The following C1orf159 variants were observed in gnomAD, a reference collection of about 807,000 sequenced individuals.
C1orf159 encodes the protein uncharacterized protein C1orf159.
A neutral mutation model predicts 25.6 loss-of-function variants in C1orf159; 19 were observed. The observed-to-expected ratio is 0.74, with a 90% CI of 0.52 to 1.09. C1orf159 has a LOEUF of 1.09. Ranked by LOEUF, C1orf159 falls within the 50% of genes least tolerant of loss-of-function variation. The pLI is 0.00. For missense variants in C1orf159, 274 were observed against 290.6 expected (o/e 0.94, Z 0.42); for synonymous variants, 139 against 124.7 (o/e 1.12, Z -0.77).
intron 4 of C1orf159, 62 bp downstream of exon 4, chr1:1,090,291 G>A (rs1645907230): frequency 6.8e-7 from 1 of 1,473,936 alleles, no homozygotes; most frequent in Non-Finnish European, 9.3e-7. Context: ...GAGGGCCCTG[G>A]GCACACACAC....
chr1:1,109,081 G>A (rs1003326852), intron 1 of C1orf159, among the ~76,000 whole-genome samples: 1 of 150,790 alleles, frequency 6.6e-6, no homozygotes, highest in Non-Finnish European at 1.5e-5. Flanking sequence ...GTTCACCACA[G>A]CCACCATGTC....
At chr1:1,112,096 G>A (rs560644662) in intron 1 of C1orf159, among the ~76,000 whole-genome samples, 119 of 152,288 alleles carry the variant, frequency 7.8e-4, no homozygotes, top group African/African-American at 2.6e-3. Context: ...TCCCCCCACC[G>A]GGAATGTCAG....
At chr1:1,086,744 G>A (rs568770674) in intron 6 of C1orf159, among the ~76,000 whole-genome samples, 25 of 152,180 alleles carry the variant, frequency 1.6e-4, no homozygotes, top group African/African-American at 3.1e-4. Context: ...CAGTGTGGCC[G>A]TGAGCGTGAA....
At chr1:1,091,072 C>A in intron 3 of C1orf159, 1 of 1,081,816 alleles carries the variant, frequency 9.2e-7, no homozygotes, top group South Asian at 1.5e-5. Context: ...CAGGTCCGGT[C>A]CCTCAAACGC....
At chr1:1,091,021 T>C (rs1156565086) in intron 3 of C1orf159, 3 of 1,479,832 alleles carry the variant, frequency 2.0e-6, no homozygotes, top group Non-Finnish European at 2.8e-6. Flanking sequence ...CAGGGGTGAC[T>C]GCGGAGTGCG....
intron 3 of C1orf159, chr1:1,090,896 C>G: frequency 3.9e-6 from 6 of 1,550,336 alleles, no homozygotes; most frequent in Non-Finnish European, 5.2e-6. Context: ...AGGGCCCATT[C>G]CCTGACCACA....
Position 1,087,475 on chromosome 1 carries a change from G to C in C1orf159, c.244+27C>G, listed in dbSNP as rs763762230. The C allele has an allele frequency of 1.9e-5, 29 of 1,530,378 alleles. No individual in the cohort carries two copies. The East Asian group carries it at 4.2e-4, about 22-fold the overall frequency. 94.8% of individuals were successfully genotyped at this position (1,530,378 alleles called of 1,614,324 possible). ...TCCCACAGCTGGAGCTGTGAGAAGG[G>C]AGCCGGGGGGAGCCGGGCAGACCTA... On this transcript the variant is annotated intron_variant, in intron 5 of 9. Transcript: ENST00000421241. This position sits in a 1 kb window ranked among gnomAD's most constrained non-coding sequence, Gnocchi z 8.3.
Position 1,087,459 on chromosome 1 carries a change from T to G in C1orf159, c.244+43A>C. 6.7e-7 allele frequency: 1 copy of G among 1,501,388 alleles called. No individual in the cohort carries two copies. The highest frequency in any genetic ancestry group is 9.0e-7 in the Non-Finnish European group (1 of 1,106,232). The allele number at this position is 1,501,388 out of a possible 1,614,324, so 93.0% of individuals were successfully genotyped here. A position where few individuals can be genotyped will look rare whatever the true frequency, so the allele number is the denominator to read the frequency against. On this transcript the variant is annotated intron_variant, in intron 5 of 9. Coordinates refer to ENST00000421241, the MANE Select transcript of C1orf159 (RefSeq NM_017891.5). This position sits in a 1 kb window ranked among gnomAD's most constrained non-coding sequence, Gnocchi z 8.3. ...CAACTCCCACAGTGTCTCCCACAGC[T>G]GGAGCTGTGAGAAGGGAGCCGGGGG...
intron 3 of C1orf159, chr1:1,090,934 A>G: frequency 6.4e-7 from 1 of 1,550,416 alleles, no homozygotes; most frequent in East Asian, 2.4e-5. Flanking sequence ...TGGGGGGCTC[A>G]GGGTACCCTC....
At chr1:1,090,976 C>G (rs1645921482) in intron 3 of C1orf159, 3 of 1,549,992 alleles carry the variant, frequency 1.9e-6, no homozygotes, top group Non-Finnish European at 2.6e-6. Context: ...TGTGCTGTTT[C>G]TCGTGACCTG....
rs188940240 is a variant in C1orf159, at chr1:1,101,946, C to A, written c.-135-9843G>T. On this transcript the variant is annotated intron_variant, in intron 1 of 9. Coordinates refer to ENST00000421241, the MANE Select transcript of C1orf159 (RefSeq NM_017891.5). ...AATTAATCGGGCATGGTGGCACGGG[C>A]ATATAGTCCCAGCTACATGGGAGGC... Among the ~76,000 whole-genome samples, 1,045 of 151,682 alleles carry A rather than the reference C, an allele frequency of 6.9e-3. 10 individuals are homozygous for A. Among genetic ancestry groups the A allele is most frequent in the Non-Finnish European group, 8.4e-3 (573 of 67,896 alleles).
rs1460964389 is a variant in C1orf159 at position 1,089,664 on chromosome 1, C to T, written c.148+689G>A. ...GTTCTTCCATCATGGGAGGGCTGGA[C>T]CCCCAGGATGGGAGTGCCAAGGCCC... On this transcript the variant is annotated intron_variant, in intron 4 of 9. Coordinates refer to ENST00000421241, the MANE Select transcript of C1orf159 (RefSeq NM_017891.5). This position sits in a 1 kb window ranked among gnomAD's most constrained non-coding sequence, Gnocchi z 7.5. Among the ~76,000 whole-genome samples the T allele has an allele frequency of 1.3e-5, 2 of 152,132 alleles. No individual in the cohort carries two copies. Among genetic ancestry groups the T allele is most frequent in the Non-Finnish European group, 2.9e-5 (2 of 68,002 alleles).
chr1:1,091,175 G>A, intron 3 of C1orf159: 2 of 616,998 alleles, frequency 3.2e-6, no homozygotes, highest in South Asian at 2.0e-5. Context: ...GCGATGCGCG[G>A]CACGCTGTGC....
chr1:1,084,324 C>G, intron 9 of C1orf159, 29 bp downstream of exon 9: 1 of 1,534,056 alleles, frequency 6.5e-7, no homozygotes, highest in Non-Finnish European at 8.8e-7. Context: ...ATGGGAAACC[C>G]CACAGGGGGA....
chr1:1,107,717 C>A (rs568483623), intron 1 of C1orf159, among the ~76,000 whole-genome samples: 3 of 152,180 alleles, frequency 2.0e-5, no homozygotes, highest in Non-Finnish European at 4.4e-5. Flanking sequence ...AGCAGGCTGC[C>A]GGAGCCAGCA....
chr1:1,100,310 G>GTA lies in C1orf159; in HGVS notation c.-135-8209_-135-8208dup, dbSNP rs1304487810. Reference sequence around the variant, plus strand: ...TAATTACTGTTATGGGTAGATGTAGGTATGTTAATCGTTTTCTGATTGTCC... The same window carrying GTA: ...TAATTACTGTTATGGGTAGATGTAGGTATATGTTAATCGTTTTCTGATTGTCC... On this transcript the variant is annotated intron_variant, in intron 1 of 9. Coordinates refer to ENST00000421241, the MANE Select transcript of C1orf159 (RefSeq NM_017891.5). Among the ~76,000 whole-genome samples the GTA allele has an allele frequency of 2.0e-5, 3 of 152,274 alleles. No individual in the cohort carries two copies. In the East Asian group the frequency reaches 5.8e-4, roughly 29 times the overall value.
chr1:1,083,038 G>GACAGTGC lies in C1orf159; in HGVS notation c.503-58_503-52dup, dbSNP rs1645770623. 2.1e-6 allele frequency: 3 copies of GACAGTGC among 1,457,184 alleles called. No individual in the cohort carries two copies. The Admixed American group carries it at 5.8e-5, about 28-fold the overall frequency. The allele number at this position is 1,457,184 out of a possible 1,614,324, so 90.3% of individuals were successfully genotyped here. On this transcript the variant is annotated intron_variant, in intron 9 of 9. Coordinates refer to ENST00000421241, the MANE Select transcript of C1orf159 (RefSeq NM_017891.5). ...GTCAGAGTGGGACCTGGACAGCAGG[G>GACAGTGC]ACAGTGCAGGCCTCAGCCCTCACCG...
intron 1 of C1orf159, among the ~76,000 whole-genome samples, chr1:1,097,209 C>A (rs574968270): frequency 6.6e-6 from 1 of 151,982 alleles, no homozygotes; most frequent in African/African-American, 2.4e-5. Context: ...CGGGTTCAAG[C>A]GATTCTTGTG....
At chr1:1,100,113 T>C (rs969313455) in intron 1 of C1orf159, among the ~76,000 whole-genome samples, 12 of 151,960 alleles carry the variant, frequency 7.9e-5, no homozygotes, top group African/African-American at 1.7e-4. Flanking sequence ...AACAAATACA[T>C]AGACGGACAG....
Sources: allele counts gnomAD v4.1 joint callset (sites outside exome capture counted in the v4.1 genomes callset), GRCh38; gene constraint gnomAD v4.1.1; non-coding constraint Gnocchi (gnomAD v3.1); transcripts MANE v1.5; gene names NCBI Gene and HGNC (gene_info 2026-07-23, HGNC 2026-07-21).